CDH18: variants seen among roughly 807,000 people sequenced by gnomAD.
The protein encoded by CDH18 is cadherin 18.
Under a neutral mutation model 67.9 loss-of-function variants are expected in CDH18, and 31 were observed. That is an observed-to-expected ratio of 0.46 (90% CI 0.34 to 0.62). The LOEUF is 0.62. Among genes scored for constraint, CDH18 ranks in the 20% least tolerant of loss-of-function variants. CDH18 has a pLI of 0.01. For synonymous variants in CDH18, 362 were observed against 347.2 expected (o/e 1.04, Z -0.48); for missense variants, 890 against 975.5 (o/e 0.91, Z 1.17).
chr5:20,174,716 G>T (rs1004745573), intron 2 of CDH18, among the ~76,000 whole-genome samples: 2 of 152,106 alleles, frequency 1.3e-5, no homozygotes, highest in Non-Finnish European at 2.9e-5. Flanking sequence ...CAATTTGTGT[G>T]TAAAATGATC....
At chr5:19,596,076 A>G (rs191366666) in intron 6 of CDH18, among the ~76,000 whole-genome samples, 1 of 152,346 alleles carries the variant, frequency 6.6e-6, no homozygotes, top group Admixed American at 6.5e-5. Flanking sequence ...AAGGGTAGGC[A>G]GTTTTTCAAA....
chr5:20,352,894 ATCC>A (rs138411151), intron 1 of CDH18, among the ~76,000 whole-genome samples: 2,955 of 152,298 alleles, frequency 0.019, 60 homozygotes, highest in African/African-American at 0.05. Context: ...CTTGCTAGAT[ATCC>A]TCATCTTATA....
chr5:19,839,775 A>C (rs1323522878), intron 2 of CDH18, among the ~76,000 whole-genome samples: 2 of 152,106 alleles, frequency 1.3e-5, no homozygotes, highest in Non-Finnish European at 2.9e-5. Context: ...GTAAATTTTG[A>C]TAGGTCCTGC....
chr5:20,568,791 TGTTTC>T (rs1365765732), intron 1 of CDH18, among the ~76,000 whole-genome samples: 1 of 152,168 alleles, frequency 6.6e-6, no homozygotes, highest in African/African-American at 2.4e-5. Context: ...GTCTGTGTAT[TGTTTC>T]AAGAGTCCTT....
At chr5:20,045,513 T>A (rs1740820276) in intron 2 of CDH18, among the ~76,000 whole-genome samples, 1 of 152,030 alleles carries the variant, frequency 6.6e-6, no homozygotes. Context: ...AGGGATTATA[T>A]CTTTTCTCAA....
At chr5:19,487,545 A>G (rs1740608946) in intron 11 of CDH18, among the ~76,000 whole-genome samples, 1 of 152,160 alleles carries the variant, frequency 6.6e-6, no homozygotes, top group African/African-American at 2.4e-5. Flanking sequence ...GGCCCCTGAA[A>G]ATGTCCAGAA....
chr5:20,288,258 A>G (rs1240397084), intron 1 of CDH18, among the ~76,000 whole-genome samples: 1 of 151,790 alleles, frequency 6.6e-6, no homozygotes, highest in East Asian at 1.9e-4. Context: ...AATAGAAATC[A>G]TTTATGACAA....
chr5:19,978,001 A>G (rs13168242), intron 2 of CDH18, among the ~76,000 whole-genome samples: 85,693 of 151,784 alleles, frequency 0.56, 24,360 homozygotes, highest in Middle Eastern at 0.72. Flanking sequence ...TGCAAAAGTT[A>G]AGTAACTATT....
intron 3 of CDH18, among the ~76,000 whole-genome samples, chr5:19,775,134 G>A (rs1774205466): frequency 6.6e-6 from 1 of 152,128 alleles, no homozygotes; most frequent in African/African-American, 2.4e-5. Context: ...GCCAGTGGGG[G>A]CAATGCACCA....
intron 2 of CDH18, among the ~76,000 whole-genome samples, chr5:20,139,129 T>A (rs1315601673): frequency 6.6e-6 from 1 of 151,954 alleles, no homozygotes; most frequent in Non-Finnish European, 1.5e-5. Context: ...TATAGACCAA[T>A]GGAACAGAAC....
chr5:19,674,580 A>T (rs542193719), intron 5 of CDH18, among the ~76,000 whole-genome samples: 1 of 152,154 alleles, frequency 6.6e-6, no homozygotes, highest in African/African-American at 2.4e-5. Flanking sequence ...GTCAATTGAC[A>T]TCACAGACTT....
chr5:19,960,649 G>A (rs1010914399), intron 2 of CDH18, among the ~76,000 whole-genome samples: 3 of 114,280 alleles, frequency 2.6e-5, no homozygotes, highest in Non-Finnish European at 3.2e-5. Context: ...ACATATACAC[G>A]TGTATATATA....
At chr5:19,896,131 C>T (rs954001842) in intron 2 of CDH18, among the ~76,000 whole-genome samples, 3 of 152,020 alleles carry the variant, frequency 2.0e-5, no homozygotes, top group Non-Finnish European at 2.9e-5. Flanking sequence ...CCAATGCGGG[C>T]AGATCATCTG....
intron 11 of CDH18, among the ~76,000 whole-genome samples, chr5:19,484,769 C>T (rs929947847): frequency 3.9e-5 from 6 of 152,200 alleles, no homozygotes; most frequent in Admixed American, 1.3e-4. Flanking sequence ...TGTCACTCTA[C>T]GCTGTCGTTC....
chr5:20,283,674 A>G (rs936082671), intron 1 of CDH18, among the ~76,000 whole-genome samples: 3 of 152,108 alleles, frequency 2.0e-5, no homozygotes, highest in Non-Finnish European at 2.9e-5. Flanking sequence ...TGTCACAACC[A>G]CTATGGAAAA....
intron 2 of CDH18, among the ~76,000 whole-genome samples, chr5:19,957,819 A>C (rs913730338): frequency 2.0e-5 from 3 of 146,342 alleles, no homozygotes; most frequent in African/African-American, 7.6e-5. Context: ...TTCAGAGTTA[A>C]AGGATTCTGC....
chr5:20,566,384 A>T, intron 1 of CDH18, among the ~76,000 whole-genome samples: 2 of 125,934 alleles, frequency 1.6e-5, no homozygotes. Context: ...TTTTTGAGAT[A>T]GAGTCTCACT....
chr5:19,575,098 T>C (rs1048586285), intron 7 of CDH18, among the ~76,000 whole-genome samples: 5 of 152,176 alleles, frequency 3.3e-5, no homozygotes, highest in African/African-American at 9.7e-5. Context: ...TGAGTGCTAT[T>C]TTCAGTGTTG....
chr5:20,028,231 T>C (rs895245217), intron 2 of CDH18, among the ~76,000 whole-genome samples: 3 of 152,274 alleles, frequency 2.0e-5, no homozygotes, highest in African/African-American at 7.2e-5. Context: ...TATATTTGTC[T>C]TGTCTTTCAT....
Sources: allele counts gnomAD v4.1 joint callset (sites outside exome capture counted in the v4.1 genomes callset), GRCh38; gene constraint gnomAD v4.1.1; transcripts MANE v1.5; gene names NCBI Gene and HGNC (gene_info 2026-07-23, HGNC 2026-07-21).